LRRTM3: variants seen among roughly 807,000 people sequenced by gnomAD.
LRRTM3 encodes leucine-rich repeat transmembrane neuronal protein 3.
In LRRTM3, 24 loss-of-function variants were observed where a neutral mutation model predicts 44.7. The observed-to-expected ratio is 0.54, with a 90% CI of 0.39 to 0.76. The LOEUF is 0.76. Among genes scored for constraint, LRRTM3 ranks in the 30% least tolerant of loss-of-function variants. The pLI is 0.00. For synonymous variants in LRRTM3, 277 were observed against 278.7 expected (o/e 0.99, Z 0.06); for missense variants, 587 against 702.2 (o/e 0.84, Z 1.85).
chr10:67,066,899 T>C (rs1210497890), intron 2 of LRRTM3, among the ~76,000 whole-genome samples: 2 of 152,224 alleles, frequency 1.3e-5, no homozygotes, highest in African/African-American at 4.8e-5. Context: ...GGTAAATTAA[T>C]ATGGAAGTTT....
Position 66,927,696 on chromosome 10 carries a change from A to T in LRRTM3, c.780A>T (p.Leu260Phe). ...WTWSSLQRLD[L>F]SGNEIEAFSG... Reference sequence around the variant, plus strand: ...GGAGCTCCTTACAAAGGCTTGATTTATCAGGCAATGAGATCGAAGCTTTCA... The same window carrying T: ...GGAGCTCCTTACAAAGGCTTGATTTTTCAGGCAATGAGATCGAAGCTTTCA... Residue 260 changes from leucine to phenylalanine, a missense_variant, in exon 2 of 3, where the codon TTA (leucine) becomes TTT (phenylalanine). Around this residue, in one of 3 missense-constraint regions of LRRTM3, gnomAD observed 222 missense variants for 323.3 expected, o/e 0.69. Coordinates refer to ENST00000361320, the MANE Select transcript of LRRTM3 (RefSeq NM_178011.5). This position sits in a 1 kb window ranked among gnomAD's most constrained non-coding sequence, Gnocchi z 4.7. 2 of 1,614,192 alleles carry T rather than the reference A, an allele frequency of 1.2e-6. No homozygotes were observed. Among genetic ancestry groups the T allele is most frequent in the Non-Finnish European group, 1.7e-6 (2 of 1,180,032 alleles).
intron 2 of LRRTM3, among the ~76,000 whole-genome samples, chr10:67,008,301 C>T (rs1310668708): frequency 6.6e-6 from 1 of 151,978 alleles, no homozygotes; most frequent in Non-Finnish European, 1.5e-5. Context: ...TTCATAGTTT[C>T]TATTTTATTC....
intron 2 of LRRTM3, among the ~76,000 whole-genome samples, chr10:66,930,365 ACT>A (rs1047940938): frequency 6.6e-6 from 1 of 152,222 alleles, no homozygotes; most frequent in Non-Finnish European, 1.5e-5. Flanking sequence ...CTCACAGCTT[ACT>A]GGATGACTGA....
At chr10:66,970,689 A>C (rs989823674) in intron 2 of LRRTM3, among the ~76,000 whole-genome samples, 14 of 152,188 alleles carry the variant, frequency 9.2e-5, no homozygotes, top group African/African-American at 3.4e-4. Flanking sequence ...CTATTTTCAC[A>C]TAGCCCCAAA....
chr10:67,097,598 A>G lies in LRRTM3; in HGVS notation c.1548A>G (p.Ser516=), dbSNP rs1158966677. ...SGSRECEIPL[S]MNVSTFLAYD... is the part of the protein sequence containing the mutation. ...TCATTTTTCCCCAGATACCTTTATCAATGAATGTGTCAACCTTTCTGGCAT... is the reference window on the plus strand; with the variant it reads ...TCATTTTTCCCCAGATACCTTTATCGATGAATGTGTCAACCTTTCTGGCAT... Residue 516 remains serine (S), a synonymous_variant, in exon 3 of 3, where the codon TCA becomes TCG. Coordinates refer to ENST00000361320, the MANE Select transcript of LRRTM3 (RefSeq NM_178011.5). 14 of 1,612,236 alleles carry G rather than the reference A, an allele frequency of 8.7e-6. 1 individual carries two copies. The South Asian group carries it at 1.5e-4, about 18-fold the overall frequency.
intron 2 of LRRTM3, among the ~76,000 whole-genome samples, chr10:67,010,845 T>C (rs1196497034): frequency 6.6e-6 from 1 of 152,214 alleles, no homozygotes; most frequent in African/African-American, 2.4e-5. Flanking sequence ...TATTTGTAGA[T>C]ACTAATTAAA....
At chr10:67,092,422 T>A (rs1857703550) in intron 2 of LRRTM3, among the ~76,000 whole-genome samples, 1 of 151,980 alleles carries the variant, frequency 6.6e-6, no homozygotes, top group South Asian at 2.1e-4. Context: ...AAAAGAAGAC[T>A]GTCATTTTCT....
At chr10:67,089,080 C>T (rs1334209005) in intron 2 of LRRTM3, among the ~76,000 whole-genome samples, 1 of 151,886 alleles carries the variant, frequency 6.6e-6, no homozygotes, top group Non-Finnish European at 1.5e-5. Context: ...AAGTACTACA[C>T]ACCATTTTAT....
At chr10:66,977,660 A>G (rs1850127167) in intron 2 of LRRTM3, among the ~76,000 whole-genome samples, 1 of 152,194 alleles carries the variant, frequency 6.6e-6, no homozygotes, top group South Asian at 2.1e-4. Context: ...TGGGCCTTGT[A>G]TGTTTTAAAG....
chr10:66,996,214 TTA>T (rs1355921172), intron 2 of LRRTM3, among the ~76,000 whole-genome samples: 1 of 152,200 alleles, frequency 6.6e-6, no homozygotes, highest in African/African-American at 2.4e-5. Context: ...TATTATATAA[TTA>T]GAGATGTTAA....
intron 2 of LRRTM3, among the ~76,000 whole-genome samples, chr10:67,049,782 A>G (rs2133179554): frequency 6.6e-6 from 1 of 152,306 alleles, no homozygotes; most frequent in Middle Eastern, 3.4e-3. Flanking sequence ...TAGTAGCACA[A>G]ATAGAACAAA....
intron 2 of LRRTM3, among the ~76,000 whole-genome samples, chr10:66,980,034 CT>C (rs1394274822): frequency 6.6e-6 from 1 of 152,108 alleles, no homozygotes; most frequent in African/African-American, 2.4e-5. Flanking sequence ...ACTGGAGACA[CT>C]TTTTTCCCTA....
At chr10:66,971,719 T>C (rs1849734237) in intron 2 of LRRTM3, among the ~76,000 whole-genome samples, 1 of 152,122 alleles carries the variant, frequency 6.6e-6, no homozygotes, top group Non-Finnish European at 1.5e-5. Context: ...TCACTGAATT[T>C]GCAGGCAATT....
At chr10:67,010,880 T>C (rs1852280951) in intron 2 of LRRTM3, among the ~76,000 whole-genome samples, 1 of 152,202 alleles carries the variant, frequency 6.6e-6, no homozygotes. Context: ...TACTCCTTTA[T>C]GGTTAACATT....
intron 2 of LRRTM3, among the ~76,000 whole-genome samples, chr10:66,984,042 G>A (rs537810611): frequency 1.3e-5 from 2 of 152,260 alleles, no homozygotes; most frequent in African/African-American, 4.8e-5. Context: ...TGTGGTAAGT[G>A]ACATTATGAA....
At chr10:66,936,029 T>C (rs1407188047) in intron 2 of LRRTM3, among the ~76,000 whole-genome samples, 1 of 152,160 alleles carries the variant, frequency 6.6e-6, no homozygotes, top group Non-Finnish European at 1.5e-5. Flanking sequence ...ATAGTGTTCC[T>C]TCCAGCCTGT....
chr10:67,079,213 G>C (rs1382094526), intron 2 of LRRTM3, among the ~76,000 whole-genome samples: 4 of 152,114 alleles, frequency 2.6e-5, no homozygotes, highest in Non-Finnish European at 5.9e-5. Flanking sequence ...TAACTTATGA[G>C]CACACGCTGT....
chr10:66,961,748 T>C (rs1849118658), intron 2 of LRRTM3, among the ~76,000 whole-genome samples: 1 of 152,132 alleles, frequency 6.6e-6, no homozygotes, highest in Non-Finnish European at 1.5e-5. Flanking sequence ...CTATTACTCC[T>C]TGAGGACATT....
chr10:67,044,508 A>G (rs906292271), intron 2 of LRRTM3, among the ~76,000 whole-genome samples: 7 of 152,178 alleles, frequency 4.6e-5, no homozygotes, highest in Admixed American at 3.3e-4. Context: ...TTTTGATGCT[A>G]TCTGGAAAGT....
Sources: gnomAD v4.1 joint callset for allele counts (sites outside exome capture counted in the v4.1 genomes callset) on GRCh38, gnomAD v4.1.1 for gene constraint, gnomAD v4.1.1 regional missense constraint, Gnocchi (gnomAD v3.1) non-coding constraint, MANE v1.5 for transcripts, NCBI Gene and HGNC (gene_info 2026-07-23, HGNC 2026-07-21) for gene names.